PRSS16: variants seen among roughly 807,000 people sequenced by gnomAD.
PRSS16 encodes the protein thymus-specific serine protease.
Under a neutral mutation model 61.7 loss-of-function variants are expected in PRSS16, and 43 were observed. The ratio of observed to expected loss-of-function variants is 0.70; its 90% confidence interval spans 0.55 to 0.90. The LOEUF (loss-of-function observed/expected upper bound fraction) is 0.90. PRSS16 is among the 40% of genes least tolerant of loss of function. The probability of loss-of-function intolerance (pLI) is 0.00; values close to 1 mark genes in which losing one functional copy is unlikely to be tolerated. For synonymous variants in PRSS16, 273 were observed against 285.2 expected (o/e 0.96, Z 0.43); for missense variants, 591 against 659.1 (o/e 0.90, Z 1.13).
chr6:27,247,952 G>A lies in PRSS16; in HGVS notation c.141G>A (p.Leu47=), dbSNP rs374589944. Residue 47 remains leucine (L), a synonymous_variant, in exon 2 of 12, where the codon CTG becomes CTA. Transcript: ENST00000230582. Reference sequence around the variant, plus strand: ...AGAGCTCTGCCCAGGGCCTGGGCCTGAGCCTGGGGCCAGGTGCTGCAGCCC... The same window carrying A: ...AGAGCTCTGCCCAGGGCCTGGGCCTAAGCCTGGGGCCAGGTGCTGCAGCCC... ...FQESSAQGLG[L]SLGPGAAALP... 6.2e-6 allele frequency: 10 copies of A among 1,607,222 alleles called. No homozygotes were observed. The highest frequency in any genetic ancestry group is 8.5e-6 in the Non-Finnish European group (10 of 1,177,120).
chr6:27,248,862 G>A lies in PRSS16; in HGVS notation c.253G>A (p.Asp85Asn). ...CACCTCTCAGCGTTACTGGGTGAATGACCAACATTGGGTTGGCCAGGATGG... is the reference window on the plus strand; with the variant it reads ...CACCTCTCAGCGTTACTGGGTGAATAACCAACATTGGGTTGGCCAGGATGG... ...RSFLQRYWVN[D>N]QHWVGQDGPI... The change falls in exon 3 of 12, where the codon GAC (aspartate) becomes AAC (asparagine). Residue 85 changes from aspartate (D) to asparagine (N), a missense_variant. By Grantham distance (23) the Asp-to-Asn change is conservative. Transcript: ENST00000230582. The A allele has an allele frequency of 6.2e-7, 1 of 1,610,068 alleles. No individual in the cohort carries two copies. Among genetic ancestry groups the A allele is most frequent in the Non-Finnish European group, 8.5e-7 (1 of 1,177,804 alleles).
chr6:27,249,940 G>T (rs9393795), intron 4 of PRSS16, among the ~76,000 whole-genome samples: 64 of 151,900 alleles, frequency 4.2e-4, no homozygotes, highest in African/African-American at 1.4e-3. Context: ...ATTAACGACC[G>T]CCACCATTTT....
In PRSS16 at chr6:27,250,777, G is replaced by A; in HGVS notation, c.562G>A (p.Gly188Ser). ...PWICFGGSYA[G>S]SLAAWARLKF... ...GATCTGCTTCGGAGGCTCCTATGCC[G>A]GCTCCTTGGCCGCCTGGGCCCGGCT... is the stretch of plus-strand genomic sequence containing the variant. The change falls in exon 5 of 12, where the codon GGC (glycine) becomes AGC (serine). Residue 188 changes from glycine (G) to serine (S), a missense_variant. Physicochemically the swap from Gly to Ser is moderately conservative, Grantham distance 56. Transcript: ENST00000230582. 2 of 1,612,484 alleles carry A rather than the reference G, an allele frequency of 1.2e-6. No homozygotes were observed. The highest frequency in any genetic ancestry group is 2.7e-5 in the African/African-American group (2 of 74,978).
At position 27,253,155 on chromosome 6, in the gene PRSS16, G is replaced by A. The variant is rs1581477140; in HGVS notation, c.1150+206G>A. 2.6e-5 allele frequency: 16 copies of A among 606,564 alleles called. No homozygotes were observed. The East Asian group carries it at 4.5e-4, about 17-fold the overall frequency. The allele number at this position is 606,564 out of a possible 1,614,324, so 37.6% of individuals were successfully genotyped here. A position where few individuals can be genotyped will look rare whatever the true frequency, so the allele number is the denominator to read the frequency against. On this transcript the variant is annotated intron_variant, in intron 9 of 11. Transcript: ENST00000230582. ...ACATGCCTCCTCACGCACACACTGA[G>A]GTCTCCACTTGAGTGATCTTCCCTT...
chr6:27,251,116 T>A lies in PRSS16; in HGVS notation c.666T>A (p.Asn222Lys). 1.2e-6 allele frequency: 2 copies of A among 1,614,060 alleles called. No individual in the cohort carries two copies. Among genetic ancestry groups the A allele is most frequent in the Non-Finnish European group, 8.5e-7 (1 of 1,180,034 alleles). The change falls in exon 6 of 12, where the codon AAT (asparagine) becomes AAA (lysine). Residue 222 changes from asparagine (N) to lysine (K), a missense_variant. Physicochemically the swap from Asn to Lys is moderately conservative, Grantham distance 94 (BLOSUM62 0). Coordinates refer to ENST00000230582, the MANE Select transcript of PRSS16 (RefSeq NM_005865.4). The surrounding 1 kb of genome is among the most constrained non-coding windows in gnomAD (Gnocchi z 5.6). ...CCGTGCTGGATTTCTCCGAGTATAA[T>A]GACGTAAGGATGGCGGGCAGCAGGT... ...VRAVLDFSEY[N>K]DVVSRSLMST...
chr6:27,251,585 T>TTGGGGGCGGTGGCC lies in PRSS16; in HGVS notation c.718-156_718-155insTGGCCTGGGGGCGG. 2.1e-6 allele frequency: 1 copy of TTGGGGGCGGTGGCC among 472,968 alleles called. No individual in the cohort carries two copies. The highest frequency in any genetic ancestry group is 3.0e-6 in the Non-Finnish European group (1 of 336,136). 29.3% of individuals were successfully genotyped at this position (472,968 alleles called of 1,614,324 possible). ...AGAAGGAGGGCTGCGAGGCAGGGGA[T>TTGGGGGCGGTGGCC]TGGGGGCGGGGGCCTGGGGGCGGGG... On this transcript the variant is annotated intron_variant, in intron 7 of 11. Coordinates refer to ENST00000230582, the MANE Select transcript of PRSS16 (RefSeq NM_005865.4). This position sits in a 1 kb window ranked among gnomAD's most constrained non-coding sequence, Gnocchi z 5.6.
chr6:27,253,547 G>T, intron 9 of PRSS16: 1 of 432,296 alleles, frequency 2.3e-6, no homozygotes, highest in Non-Finnish European at 4.6e-6. Flanking sequence ...AAGACCCCAG[G>T]GTAGTGTTGC....
chr6:27,249,834 C>T (rs1487568213), intron 4 of PRSS16, among the ~76,000 whole-genome samples: 1 of 152,192 alleles, frequency 6.6e-6, no homozygotes, highest in Non-Finnish European at 1.5e-5. Context: ...CACATTCCTG[C>T]CTTGAGCCTT....
In PRSS16 at chr6:27,255,607, G is replaced by T; in HGVS notation, c.*292G>T. 3.3e-6 allele frequency: 1 copy of T among 306,218 alleles called. No homozygotes were observed. The highest frequency in any genetic ancestry group is 2.2e-5 in the African/African-American group (1 of 45,580). The allele number at this position is 306,218 out of a possible 1,614,324, so 19.0% of individuals were successfully genotyped here. Reference sequence around the variant, plus strand: ...CTTATGCTGGTGCCCTCGCCCTGCTGATCAGATTCTGGTTCAAATTCTGCC... The same window carrying T: ...CTTATGCTGGTGCCCTCGCCCTGCTTATCAGATTCTGGTTCAAATTCTGCC... On this transcript the variant is annotated 3_prime_UTR_variant, in exon 12 of 12. Coordinates refer to ENST00000230582, the MANE Select transcript of PRSS16 (RefSeq NM_005865.4). This position sits in a 1 kb window ranked among gnomAD's most constrained non-coding sequence, Gnocchi z 4.4.
In PRSS16 at chr6:27,251,469, G is replaced by T; in HGVS notation, c.717+205G>T. The T allele has an allele frequency of 1.3e-6, 1 of 776,844 alleles. No individual in the cohort carries two copies. The allele number at this position is 776,844 out of a possible 1,614,324, so 48.1% of individuals were successfully genotyped here. A position where few individuals can be genotyped will look rare whatever the true frequency, so the allele number is the denominator to read the frequency against. ...GGAAAAGAGGCGCTCCCCAGAGAGG[G>T]CGGGGTTTGGGCAGGGACAATCCTA... On this transcript the variant is annotated intron_variant, in intron 7 of 11. Transcript: ENST00000230582. This position sits in a 1 kb window ranked among gnomAD's most constrained non-coding sequence, Gnocchi z 5.6.
In PRSS16 at chr6:27,252,249, G is replaced by T; in HGVS notation, c.1008+209G>T. 1.6e-6 allele frequency: 1 copy of T among 614,242 alleles called. No homozygotes were observed. Among genetic ancestry groups the T allele is most frequent in the South Asian group, 2.6e-5 (1 of 38,224 alleles). The allele number at this position is 614,242 out of a possible 1,614,324, so 38.0% of individuals were successfully genotyped here. A position where few individuals can be genotyped will look rare whatever the true frequency, so the allele number is the denominator to read the frequency against. ...GCTGGGAGCCTGGCACACAGTGTGC[G>T]AATGTTAGAGACTGCGATTATTACC... is the stretch of plus-strand genomic sequence containing the variant. On this transcript the variant is annotated intron_variant, in intron 8 of 11. Transcript: ENST00000230582. The surrounding 1 kb of genome is among the most constrained non-coding windows in gnomAD (Gnocchi z 4.2).
intron 9 of PRSS16, 54 bp from the exon 10 acceptor site, chr6:27,254,639 A>G (rs1759988580): frequency 6.8e-7 from 1 of 1,467,500 alleles, no homozygotes; most frequent in Admixed American, 1.8e-5. Flanking sequence ...TGATTATTGA[A>G]GGAGAGTGGT....
chr6:27,250,755 CT>C lies in PRSS16; in HGVS notation c.541del (p.Cys181AlafsTer16). On this transcript the variant is annotated frameshift_variant, in exon 5 of 12. Coordinates refer to ENST00000230582, the MANE Select transcript of PRSS16 (RefSeq NM_005865.4). LOFTEE classifies it high-confidence loss of function. ...ACATCTCCTCCTCCAGCCCCTGGAT[CT>C]GCTTCGGAGGCTCCTATGCCGGCTC... ...FNISSSSPWI[C>X]FGGSYAGSLA... 5.0e-6 allele frequency: 8 copies of C among 1,613,978 alleles called. No homozygotes were observed. The highest frequency in any genetic ancestry group is 6.8e-6 in the Non-Finnish European group (8 of 1,179,950).
chr6:27,248,066 G>T lies in PRSS16; in HGVS notation c.237+18G>T, dbSNP rs371999803. ...TCCTACAGGTGAGGCCGGGAGACGG[G>T]GAGTCCACTAACCATCCTGCCCTCT... On this transcript the variant is annotated intron_variant, in intron 2 of 11. Coordinates refer to ENST00000230582, the MANE Select transcript of PRSS16 (RefSeq NM_005865.4). 5.6e-6 allele frequency: 9 copies of T among 1,608,788 alleles called. No individual in the cohort carries two copies. In the African/African-American group the frequency reaches 1.2e-4, roughly 22 times the overall value.
Position 27,251,074 on chromosome 6 carries a change from C to A in PRSS16, c.624C>A (p.Ser208=). The A allele has an allele frequency of 6.2e-7, 1 of 1,614,128 alleles. No individual in the cohort carries two copies. Among genetic ancestry groups the A allele is most frequent in the Non-Finnish European group, 8.5e-7 (1 of 1,180,050 alleles). Residue 208 remains serine (S), a synonymous_variant, in exon 6 of 12, where the codon TCC becomes TCA. Coordinates refer to ENST00000230582, the MANE Select transcript of PRSS16 (RefSeq NM_005865.4). This position sits in a 1 kb window ranked among gnomAD's most constrained non-coding sequence, Gnocchi z 5.6. ...ATCTCATTTTCGCGTCGGTCGCCTC[C>A]TCCGCCCCGGTGCGGGCCGTGCTGG... ...FPHLIFASVA[S]SAPVRAVLDF...
intron 9 of PRSS16, chr6:27,253,229 C>T (rs964727015): frequency 1.1e-5 from 5 of 457,842 alleles, no homozygotes; most frequent in African/African-American, 2.0e-5. Flanking sequence ...CCCCCTTTCC[C>T]CATCCACCAG....
intron 4 of PRSS16, among the ~76,000 whole-genome samples, chr6:27,249,603 C>T (rs938683731): frequency 6.6e-6 from 1 of 152,160 alleles, no homozygotes; most frequent in Admixed American, 6.5e-5. Flanking sequence ...GAGCATAAAC[C>T]AGGACATGAT....
chr6:27,248,779 A>T, intron 2 of PRSS16, 68 bp from the exon 3 acceptor site: 3 of 1,037,140 alleles, frequency 2.9e-6, no homozygotes, highest in Non-Finnish European at 1.4e-6. Context: ...AGACTGGAAC[A>T]AATGAGGAAT....
intron 9 of PRSS16, chr6:27,253,415 C>T: frequency 5.0e-6 from 2 of 399,850 alleles, no homozygotes; most frequent in East Asian, 7.1e-5. Flanking sequence ...GATCCCTTCC[C>T]AGCCGCTTCT....
Sources: allele counts gnomAD v4.1 joint callset (sites outside exome capture counted in the v4.1 genomes callset), GRCh38; gene constraint gnomAD v4.1.1; non-coding constraint Gnocchi (gnomAD v3.1); transcripts MANE v1.5; gene names NCBI Gene and HGNC (gene_info 2026-07-23, HGNC 2026-07-21).